ZNF48: variants seen among roughly 807,000 people sequenced by gnomAD.
ZNF48 encodes the protein zinc finger protein 48, also known as zinc finger protein 553.
In ZNF48, 20 loss-of-function variants were observed where a neutral mutation model predicts 40.0. That is an observed-to-expected ratio of 0.50 (90% CI 0.35 to 0.73). The LOEUF (loss-of-function observed/expected upper bound fraction) is 0.73. Among genes scored for constraint, ZNF48 ranks in the 30% least tolerant of loss-of-function variants. The pLI, the probability that ZNF48 is intolerant of heterozygous loss-of-function variation, is 0.01. For missense variants in ZNF48, 726 were observed against 851.9 expected, an observed-to-expected ratio of 0.85 and a Z score of 1.84; for synonymous variants, 298 against 329.7, an observed-to-expected ratio of 0.90 and a Z score of 1.04.
Position 30,382,160 on chromosome 16 carries a change from T to C in ZNF48, c.-16+3750T>C. On this transcript the variant is annotated intron_variant, in intron 1 of 2. Transcript: ENST00000528032. This position sits in a 1 kb window ranked among gnomAD's most constrained non-coding sequence, Gnocchi z 4.8. ...GGAAGAGGCTGTTGATGAGGGTGGA[T>C]TTCCCTAGGCCTGACTCCCCTGTGG... 2.5e-6 allele frequency: 4 copies of C among 1,604,578 alleles called. No individual in the cohort carries two copies. The highest frequency in any genetic ancestry group is 3.4e-6 in the Non-Finnish European group (4 of 1,175,592).
intron 1 of ZNF48, chr16:30,379,214 G>T (rs371286686): frequency 6.2e-7 from 1 of 1,612,044 alleles, no homozygotes; most frequent in Non-Finnish European, 8.5e-7. Context: ...ACCAGCGAAC[G>T]TCAGGGAGTT....
upstream of ZNF48, chr16:30,394,847 C>G (rs28588108): frequency 0.048 from 10,223 of 212,272 alleles, 359 homozygotes; most frequent in Non-Finnish European, 0.078. Flanking sequence ...GGCTCAGGGT[C>G]TCTGTTCCGG....
upstream of ZNF48, among the ~76,000 whole-genome samples, chr16:30,391,854 G>T (rs1171687492): frequency 1.4e-5 from 2 of 139,470 alleles, no homozygotes; most frequent in African/African-American, 5.4e-5. Context: ...GGGGGTGGGG[G>T]TGGGATAGGG....
At chr16:30,383,895 C>A (rs2049878842) in intron 1 of ZNF48, among the ~76,000 whole-genome samples, 1 of 152,220 alleles carries the variant, frequency 6.6e-6, no homozygotes, top group South Asian at 2.1e-4. Flanking sequence ...TCCACCTACC[C>A]TAGGCAGGGT....
At position 30,382,417 on chromosome 16, in the gene ZNF48, C is replaced by T. The variant is rs940666234; in HGVS notation, c.-16+4007C>T. 1.4e-5 allele frequency: 22 copies of T among 1,570,222 alleles called. No individual in the cohort carries two copies. Among genetic ancestry groups the T allele is most frequent in the Middle Eastern group, 1.7e-4 (1 of 5,920 alleles). On this transcript the variant is annotated intron_variant, in intron 1 of 2. Coordinates refer to the ZNF48 transcript ENST00000528032. The surrounding 1 kb of genome is among the most constrained non-coding windows in gnomAD (Gnocchi z 4.8). ...GCTGCTGGCAATGGCAGGCAGGGTC[C>T]CCAGGATCACTTGAGTTCCTGGGCT...
At chr16:30,389,816 G>GTT (rs56373430) in intron 1 of ZNF48, among the ~76,000 whole-genome samples, 529 of 22,484 alleles carry the variant, frequency 0.024, 193 homozygotes, top group African/African-American at 0.045. Flanking sequence ...ATTTGGATTA[G>GTT]TTTTTTTTTT....
chr16:30,381,156 G>A lies in ZNF48; in HGVS notation c.-16+2746G>A, dbSNP rs1276180385. 1.2e-6 allele frequency: 2 copies of A among 1,613,970 alleles called. No homozygotes were observed. The highest frequency in any genetic ancestry group is 1.7e-6 in the Non-Finnish European group (2 of 1,179,982). The stretch of plus-strand genomic sequence containing the variant: ...TGCTTGAGGGCCTGGGTTTCCTGGG[G>A]CATCAGAGCATCCGCTTTGCCAATG... On this transcript the variant is annotated intron_variant, in intron 1 of 2. Transcript: ENST00000528032. The surrounding 1 kb of genome is among the most constrained non-coding windows in gnomAD (Gnocchi z 4.3).
At chr16:30,393,061 A>C (rs535855796), upstream of ZNF48, among the ~76,000 whole-genome samples, 2 of 152,148 alleles carry the variant, frequency 1.3e-5, no homozygotes, top group South Asian at 4.1e-4. Context: ...CACTATCGTG[A>C]ATTGGTCCAT....
At chr16:30,387,607 G>A (rs1186367279) in intron 1 of ZNF48, among the ~76,000 whole-genome samples, 1 of 149,900 alleles carries the variant, frequency 6.7e-6, no homozygotes, top group African/African-American at 2.4e-5. Context: ...CACCCAGGCT[G>A]GAGTACAATG....
chr16:30,395,349 AC>A, upstream of ZNF48: 1 of 450,442 alleles, frequency 2.2e-6, no homozygotes, highest in Non-Finnish European at 4.5e-6. The surrounding 1 kb of genome is among the most constrained non-coding windows in gnomAD (Gnocchi z 5.9). Context: ...GACGCGGGCG[AC>A]CCCCACAGGC....
At chr16:30,383,904 G>A (rs559194083) in intron 1 of ZNF48, among the ~76,000 whole-genome samples, 8 of 152,312 alleles carry the variant, frequency 5.3e-5, no homozygotes, top group African/African-American at 1.9e-4. Context: ...CCTAGGCAGG[G>A]TCATTGTCCC....
chr16:30,386,784 C>T (rs1268875183), intron 1 of ZNF48, among the ~76,000 whole-genome samples: 1 of 151,838 alleles, frequency 6.6e-6, no homozygotes, highest in Non-Finnish European at 1.5e-5. Flanking sequence ...CCTGCCTCAG[C>T]CTCCCGAGTA....
rs1470073303 is a variant in ZNF48, at chr16:30,398,327, T to C, written c.1077T>C (p.His359=). 1.2e-6 allele frequency: 2 copies of C among 1,610,470 alleles called. No individual in the cohort carries two copies. The highest frequency in any genetic ancestry group is 1.1e-5 in the South Asian group (1 of 90,790). The part of the protein sequence containing the change: ...HLRTHSGERP[H]ACPECDRTFS... Reference sequence around the variant, plus strand: ...GCACCCACAGTGGCGAGAGGCCCCATGCCTGCCCGGAATGCGACCGTACCT... The same window carrying C: ...GCACCCACAGTGGCGAGAGGCCCCACGCCTGCCCGGAATGCGACCGTACCT... The change falls in exon 3 of 3, where the codon CAT becomes CAC. Residue 359 remains histidine (H), a synonymous_variant. Transcript: ENST00000613509. This position sits in a 1 kb window ranked among gnomAD's most constrained non-coding sequence, Gnocchi z 6.6.
intron 1 of ZNF48, chr16:30,379,986 G>A (rs543538377): frequency 1.6e-5 from 26 of 1,610,442 alleles, no homozygotes; most frequent in Admixed American, 8.3e-5. Flanking sequence ...AGTCACATTC[G>A]GGGAACTGGT....
Position 30,389,826 on chromosome 16 carries a change from T to TTG in ZNF48, c.-15-5953_-15-5952insGT, listed in dbSNP as rs1459415656. Among the ~76,000 whole-genome samples the TTG allele has an allele frequency of 6.0e-4, 61 of 101,884 alleles. 4 individuals carry two copies. Among genetic ancestry groups the TTG allele is most frequent in the African/African-American group, 3.0e-3 (61 of 20,200 alleles). 66.8% of individuals were successfully genotyped at this position (101,884 alleles called of 152,430 possible). ...TAGTCATTTGGATTAGTTTTTTTTT[T>TTG]TTTTTTTTTTTTTTTTTTTTTTTTT... is the stretch of plus-strand genomic sequence containing the variant. On this transcript the variant is annotated intron_variant, in intron 1 of 2. Coordinates refer to the ZNF48 transcript ENST00000528032.
chr16:30,382,877 A>T lies in ZNF48; in HGVS notation c.-16+4467A>T. ...AGATGAAGGTTTTGATGAGCTGATT[A>T]GAAAACAGTTCCCAGGACGGGCAAG... is the stretch of plus-strand genomic sequence containing the variant. On this transcript the variant is annotated intron_variant, in intron 1 of 2. Transcript: ENST00000528032. The surrounding 1 kb of genome is among the most constrained non-coding windows in gnomAD (Gnocchi z 4.8). The T allele has an allele frequency of 1.6e-6, 2 of 1,212,362 alleles. No homozygotes were observed. Among genetic ancestry groups the T allele is most frequent in the Non-Finnish European group, 2.3e-6 (2 of 852,120 alleles). The allele number at this position is 1,212,362 out of a possible 1,614,324, so 75.1% of individuals were successfully genotyped here.
At chr16:30,383,930 GC>G (rs1337570786) in intron 1 of ZNF48, among the ~76,000 whole-genome samples, 1 of 152,140 alleles carries the variant, frequency 6.6e-6, no homozygotes, top group African/African-American at 2.4e-5. Context: ...CAGATTCCCA[GC>G]ACCTGGCTGG....
Position 30,379,414 on chromosome 16 carries a change from C to A in ZNF48, c.-16+1004C>A, listed in dbSNP as rs769576285. ...CCCGGGCTCCCTGCTGGCCTTAGGA[C>A]CCCTGCCTGGCCTCACTCACCCTCC... On this transcript the variant is annotated intron_variant, in intron 1 of 2. Transcript: ENST00000528032. 5.7e-5 allele frequency: 91 copies of A among 1,604,646 alleles called. No individual in the cohort carries two copies. In the East Asian group the frequency reaches 1.2e-3, roughly 22 times the overall value.
At position 30,397,772 on chromosome 16, in the gene ZNF48, C is replaced by T. The variant is rs1276093713; in HGVS notation, c.522C>T (p.Ala174=). The part of the protein sequence containing the change: ...GEKPYRARPP[A]QGPPKIPRSR... ...AGCCCTATAGAGCCCGGCCACCAGC[C>T]CAGGGTCCCCCAAAGATTCCTCGGT... Residue 174 remains alanine, a synonymous_variant, in exon 3 of 3, where the codon GCC becomes GCT. Coordinates refer to ENST00000613509, the MANE Select transcript of ZNF48 (RefSeq NM_001214909.2). The surrounding 1 kb of genome is among the most constrained non-coding windows in gnomAD (Gnocchi z 4.1). 1.9e-6 allele frequency: 3 copies of T among 1,613,522 alleles called. No individual in the cohort carries two copies. Among genetic ancestry groups the T allele is most frequent in the South Asian group, 1.1e-5 (1 of 91,070 alleles).
Sources: allele counts gnomAD v4.1 joint callset (sites outside exome capture counted in the v4.1 genomes callset), GRCh38; gene constraint gnomAD v4.1.1; non-coding constraint Gnocchi (gnomAD v3.1); transcripts MANE v1.5; gene names NCBI Gene and HGNC (gene_info 2026-07-23, HGNC 2026-07-21).